The following TYK2 variants were observed in gnomAD, a reference collection of about 807,000 sequenced individuals.
TYK2 encodes tyrosine kinase 2.
In TYK2, 65 loss-of-function variants were observed where a neutral mutation model predicts 130.9. The observed-to-expected ratio is 0.50, with a 90% CI of 0.41 to 0.61. The LOEUF is 0.61. Ranked by LOEUF, TYK2 falls within the 20% of genes least tolerant of loss-of-function variation. The pLI is 0.00. For synonymous variants in TYK2, 647 were observed against 658.9 expected (o/e 0.98, Z 0.28); for missense variants, 1,378 against 1,610.7 (o/e 0.86, Z 2.47).
At chr19:10,359,103 C>T in intron 15 of TYK2, 72 bp downstream of exon 15, 2 of 1,579,228 alleles carry the variant, frequency 1.3e-6, no homozygotes, top group Non-Finnish European at 8.6e-7. Context: ...GCCCTGTTGC[C>T]CAGGCTGGTC....
intron 3 of TYK2, among the ~76,000 whole-genome samples, chr19:10,374,223 G>A (rs1395725938): frequency 2.0e-5 from 3 of 147,810 alleles, no homozygotes; most frequent in East Asian, 2.1e-4. Flanking sequence ...CTGAGATCGC[G>A]CCACTGCACT....
In TYK2 at chr19:10,364,860, G is replaced by C. The variant is rs2041581409; in HGVS notation, c.1200C>G (p.Asn400Lys). The stretch of plus-strand genomic sequence containing the variant: ...CTACCCTGGGCCTCACCAGGCACTT[G>C]TTGTCCTGCCGGTGGATGCTGACAC... ...EHCVSIHRQD[N>K]KCLELSLPSR... Residue 400 changes from asparagine to lysine, a missense_variant, in exon 8 of 25, where the codon AAC becomes AAG. By Grantham distance (94) the Asn-to-Lys change is moderately conservative. Coordinates refer to ENST00000525621, the MANE Select transcript of TYK2 (RefSeq NM_003331.5). This position sits in a 1 kb window ranked among gnomAD's most constrained non-coding sequence, Gnocchi z 4.9. 1 of 1,614,112 alleles carries C rather than the reference G, an allele frequency of 6.2e-7. No homozygotes were observed.
chr19:10,362,030 C>T, intron 12 of TYK2, 48 bp downstream of exon 12: 1 of 1,613,022 alleles, frequency 6.2e-7, no homozygotes, highest in Non-Finnish European at 8.5e-7. Context: ...CCAGCACCCA[C>T]ATCCCCAGGG....
rs779953512 is a variant in TYK2, at chr19:10,364,618, G to A, written c.1363C>T (p.Leu455=). Residue 455 remains leucine (L), a synonymous_variant, in exon 9 of 25, where the codon CTG becomes TTG. Transcript: ENST00000525621. The surrounding 1 kb of genome is among the most constrained non-coding windows in gnomAD (Gnocchi z 4.9). ...CGCCCCCCACCCAGCACTCACAGCA[G>A]GGGTCCGTGGATCCCATCCCGGATG... The part of the protein sequence containing the change: ...MSIRDGIHGP[L]LEPFVQAKLR... 1.9e-6 allele frequency: 3 copies of A among 1,613,702 alleles called. No homozygotes were observed. The highest frequency in any genetic ancestry group is 2.2e-5 in the South Asian group (2 of 91,084).
intron 9 of TYK2, 112 bp from the exon 10 acceptor site, chr19:10,362,769 G>C: frequency 1.1e-6 from 1 of 923,502 alleles, no homozygotes; most frequent in South Asian, 1.4e-5. Flanking sequence ...GCTAGGACAA[G>C]TGTCAGACAC....
intron 17 of TYK2, 99 bp from the exon 18 acceptor site, chr19:10,356,817 C>T: frequency 7.7e-7 from 1 of 1,292,332 alleles, no homozygotes; most frequent in Non-Finnish European, 1.1e-6. Flanking sequence ...CCGCCAGGTG[C>T]CCGCTCTTAT....
chr19:10,355,956 G>A (rs930745256), intron 18 of TYK2, among the ~76,000 whole-genome samples: 17 of 151,190 alleles, frequency 1.1e-4, no homozygotes, highest in African/African-American at 3.4e-4. Flanking sequence ...GTGAGACTCC[G>A]TCTCAAAAAA....
intron 3 of TYK2, among the ~76,000 whole-genome samples, chr19:10,369,137 G>C (rs942675149): frequency 2.0e-5 from 3 of 151,936 alleles, no homozygotes; most frequent in African/African-American, 7.2e-5. Context: ...ATTAAGATTT[G>C]GGGGGATTGC....
intron 18 of TYK2, 68 bp downstream of exon 18, chr19:10,356,500 T>C (rs2041108275): frequency 3.1e-6 from 5 of 1,596,124 alleles, no homozygotes; most frequent in African/African-American, 2.7e-5. Flanking sequence ...TCGTGCGCTA[T>C]AGGCATACAG....
chr19:10,366,730 A>C, intron 5 of TYK2, 150 bp from the exon 6 acceptor site: 1 of 553,576 alleles, frequency 1.8e-6, no homozygotes, highest in Non-Finnish European at 3.1e-6. Context: ...ATAGCTGATG[A>C]GCTAAAAAAA....
intron 3 of TYK2, 139 bp downstream of exon 3, chr19:10,378,075 T>A: frequency 1.0e-5 from 8 of 777,814 alleles, no homozygotes; most frequent in South Asian, 6.6e-5. Context: ...GGTGGGTGGA[T>A]GGGTGGATGG....
At chr19:10,379,571 C>T (rs1445717666) in intron 2 of TYK2, 44 bp downstream of exon 2, 1 of 151,732 alleles carries the variant, frequency 6.6e-6, no homozygotes, top group African/African-American at 2.4e-5. Context: ...GCTCTTAACA[C>T]ACCTCCCCAA....
intron 3 of TYK2, among the ~76,000 whole-genome samples, chr19:10,369,477 A>G (rs533712096): frequency 4.6e-5 from 7 of 151,832 alleles, no homozygotes; most frequent in Admixed American, 2.6e-4. Context: ...TCCCACCTCA[A>G]TCTCTGGAGT....
intron 3 of TYK2, among the ~76,000 whole-genome samples, chr19:10,373,884 A>G (rs2042012335): frequency 6.6e-6 from 1 of 151,886 alleles, no homozygotes; most frequent in Non-Finnish European, 1.5e-5. Flanking sequence ...GCTTCCTCAA[A>G]CAGATCAAGC....
intron 7 of TYK2, 129 bp from the exon 8 acceptor site, chr19:10,365,177 A>T: frequency 9.1e-7 from 1 of 1,097,966 alleles, no homozygotes; most frequent in Non-Finnish European, 1.3e-6. Context: ...CCCAAGTCCC[A>T]GTGTCACAGG....
intron 3 of TYK2, chr19:10,368,813 CT>C (rs112143197): frequency 0.071 from 13,584 of 192,354 alleles, 21 homozygotes; most frequent in East Asian, 0.17. Context: ...TTAAGTAAAA[CT>C]TTTTTTTTTT....
At position 10,359,172 on chromosome 19, in the gene TYK2, C is replaced by A; in HGVS notation, c.2175+3G>T. On this transcript the variant is annotated splice_donor_region_variant and intron_variant, in intron 15 of 24. Transcript: ENST00000525621. ...ACCCAGGCCCCACACACAGGCCACA[C>A]ACCAGGTAGCTGAGGGCGCTGGCCA... 6.2e-7 allele frequency: 1 copy of A among 1,601,932 alleles called. No individual in the cohort carries two copies. The highest frequency in any genetic ancestry group is 8.5e-7 in the Non-Finnish European group (1 of 1,179,862).
chr19:10,354,371 C>G, intron 19 of TYK2, 137 bp from the exon 20 acceptor site: 2 of 1,331,574 alleles, frequency 1.5e-6, no homozygotes, highest in South Asian at 1.2e-5. Context: ...TCTATTAAGA[C>G]TCCTTGGCAC....
chr19:10,357,866 G>C lies in TYK2; in HGVS notation c.2364C>G (p.Ala788=). ...TGTCCATGGCGGTGCTTAGGCTGTT[G>C]GCCCCACCTGGTAGGCATTCGGGGG... ...WLAPECLPGG[A]NSLSTAMDKW... The change falls in exon 17 of 25, where the codon GCC becomes GCG. Residue 788 remains alanine, a synonymous_variant. Transcript: ENST00000525621. 6.2e-7 allele frequency: 1 copy of C among 1,613,538 alleles called. No homozygotes were observed. Among genetic ancestry groups the C allele is most frequent in the Non-Finnish European group, 8.5e-7 (1 of 1,180,020 alleles).
Sources: gnomAD v4.1 joint callset for allele counts (sites outside exome capture counted in the v4.1 genomes callset) on GRCh38, gnomAD v4.1.1 for gene constraint, Gnocchi (gnomAD v3.1) non-coding constraint, MANE v1.5 for transcripts, NCBI Gene and HGNC (gene_info 2026-07-23, HGNC 2026-07-21) for gene names.